SPANXN4: variants seen among roughly 807,000 people sequenced by gnomAD.
SPANXN4 encodes SPANX family member N4, also known as sperm protein associated with the nucleus on the X chromosome N4.
In SPANXN4, 5 loss-of-function variants were observed where a neutral mutation model predicts 6.0. The observed-to-expected ratio is 0.83, with a 90% CI of 0.44 to 1.75. The LOEUF (loss-of-function observed/expected upper bound fraction) is 1.75, where lower values mean the gene tolerates loss of function less well. Among genes scored for constraint, SPANXN4 ranks in the 40% most tolerant of loss-of-function variants. SPANXN4 has a pLI of 0.02. For synonymous variants in SPANXN4, 45 were observed against 38.0 expected (o/e 1.19, Z -0.68); for missense variants, 157 against 108.6 (o/e 1.45, Z -1.98).
chrX:143,033,467 T>C (rs1932823158), intron 1 of SPANXN4, among the ~76,000 whole-genome samples: 1 of 111,384 alleles, frequency 9.0e-6, no homozygotes, highest in African/African-American at 3.3e-5. Context: ...CACAGGTATA[T>C]TGCCGACAGC....
intron 1 of SPANXN4, among the ~76,000 whole-genome samples, chrX:143,033,613 C>T (rs1407782160): frequency 1.8e-5 from 2 of 111,477 alleles, no homozygotes; most frequent in South Asian, 3.8e-4. Flanking sequence ...TTCTTATGAT[C>T]AGGTGGTTTG....
At chrX:143,030,247 G>C (rs1718403850) in intron 1 of SPANXN4, among the ~76,000 whole-genome samples, 1 of 110,573 alleles carries the variant, frequency 9.0e-6, no homozygotes, top group Non-Finnish European at 1.9e-5. Flanking sequence ...TCCTGAATTA[G>C]CTCATTTTGT....
chrX:143,036,519 G>A (rs185838999), downstream of SPANXN4, among the ~76,000 whole-genome samples: 5 of 111,877 alleles, frequency 4.5e-5, no homozygotes, highest in Admixed American at 3.8e-4. Context: ...AGCACCATTT[G>A]TTGAAAATAC....
At chrX:143,032,327 T>C (rs1932814950) in intron 1 of SPANXN4, among the ~76,000 whole-genome samples, 1 of 110,913 alleles carries the variant, frequency 9.0e-6, no homozygotes, top group Non-Finnish European at 1.9e-5. Flanking sequence ...GGAAGGCCTT[T>C]GGGTGTGTGC....
chrX:143,033,204 A>G (rs1302700380), intron 1 of SPANXN4, among the ~76,000 whole-genome samples: 1 of 111,331 alleles, frequency 9.0e-6, no homozygotes, highest in African/African-American at 3.3e-5. Flanking sequence ...GGAGAGTTTG[A>G]TCAGGACCTA....
exon 2 of SPANXN4, chrX:143,034,164 C>A: frequency 8.5e-7 from 1 of 1,181,161 alleles, no homozygotes; most frequent in Non-Finnish European, 1.1e-6. Context: ...AACCAGCCTA[C>A]AGAGAGCTCC....
At chrX:143,036,410 T>C (rs1020616874), downstream of SPANXN4, among the ~76,000 whole-genome samples, 11 of 111,676 alleles carry the variant, frequency 9.8e-5, no homozygotes, top group East Asian at 3.1e-3. Flanking sequence ...TCACCAATCA[T>C]TGGTGAATAT....
At chrX:143,030,095 G>A in intron 1 of SPANXN4, among the ~76,000 whole-genome samples, 2 of 109,224 alleles carry the variant, frequency 1.8e-5, no homozygotes, top group Non-Finnish European at 3.8e-5. Flanking sequence ...GGCAAGCTGG[G>A]TTCAGGTGTT....
At chrX:143,036,028 G>A (rs1415845364), downstream of SPANXN4, among the ~76,000 whole-genome samples, 3 of 103,863 alleles carry the variant, frequency 2.9e-5, no homozygotes, top group Non-Finnish European at 5.9e-5. Context: ...CTTTCTGTCT[G>A]GATTATTTAA....
At chrX:143,031,671 A>G (rs759252373) in intron 1 of SPANXN4, among the ~76,000 whole-genome samples, 2 of 111,892 alleles carry the variant, frequency 1.8e-5, no homozygotes, top group East Asian at 5.7e-4. Context: ...GGCAGCTGCC[A>G]GCATTTGGTA....
At chrX:143,029,017 C>A (rs1472974894) in intron 1 of SPANXN4, among the ~76,000 whole-genome samples, 1 of 111,342 alleles carries the variant, frequency 9.0e-6, no homozygotes, top group Non-Finnish European at 1.9e-5. Flanking sequence ...CTATTTTTTC[C>A]TGAATGGTGC....
chrX:143,029,199 T>G (rs1232446602), intron 1 of SPANXN4, among the ~76,000 whole-genome samples: 14 of 111,480 alleles, frequency 1.3e-4, no homozygotes, highest in Non-Finnish European at 2.1e-4. Flanking sequence ...CAATGGATAA[T>G]GGTGGCCTGC....
downstream of SPANXN4, among the ~76,000 whole-genome samples, chrX:143,036,089 C>CT (rs1230238374): frequency 1.2e-4 from 13 of 105,607 alleles, no homozygotes; most frequent in South Asian, 2.1e-3. Context: ...ATGCCAAGAT[C>CT]TTTTTTTTTC....
intron 1 of SPANXN4, among the ~76,000 whole-genome samples, chrX:143,033,342 G>T (rs1208419149): frequency 1.8e-5 from 2 of 111,710 alleles, no homozygotes; most frequent in Admixed American, 9.5e-5. Flanking sequence ...AGGATGCAAA[G>T]AAGACTTACC....
At chrX:143,031,123 G>A (rs1932807215) in intron 1 of SPANXN4, among the ~76,000 whole-genome samples, 1 of 110,626 alleles carries the variant, frequency 9.0e-6, no homozygotes, top group Non-Finnish European at 1.9e-5. Flanking sequence ...ATGGAGTTCT[G>A]GAATTTACTT....
At chrX:143,026,198 G>A in intron 1 of SPANXN4, 106 bp downstream of exon 1, 1 of 679,164 alleles carries the variant, frequency 1.5e-6, no homozygotes, top group Admixed American at 3.4e-5. Flanking sequence ...CTGCAGAAAT[G>A]TGGGGCCAGC....
chrX:143,032,693 T>C (rs1429319179), intron 1 of SPANXN4, among the ~76,000 whole-genome samples: 3 of 111,079 alleles, frequency 2.7e-5, no homozygotes, highest in Non-Finnish European at 5.7e-5. Context: ...AATTTGGAAG[T>C]TGAAAGTTTT....
In SPANXN4 at chrX:143,034,102, A is replaced by T. The variant is rs574419137; in HGVS notation, c.153A>T (p.Leu51Phe). Residue 51 changes from leucine to phenylalanine, a missense_variant, in exon 2 of 3, where the codon TTA becomes TTT. Leu to Phe is a conservative substitution (Grantham distance 22). Coordinates refer to ENST00000370504, the Ensembl canonical transcript of SPANXN4. Reference sequence around the variant, plus strand: ...CAGAAAAAGCAAAATATCCAACATTAGTGTTTTACTGCAGGAAGAATAAGA... The same window carrying T: ...CAGAAAAAGCAAAATATCCAACATTTGTGTTTTACTGCAGGAAGAATAAGA... 15 of 1,178,283 alleles carry T rather than the reference A, an allele frequency of 1.3e-5. 1 individual carries two copies. In the South Asian group the frequency reaches 2.6e-4, roughly 21 times the overall value.
downstream of SPANXN4, chrX:143,034,834 A>T: frequency 1.1e-6 from 1 of 883,901 alleles, no homozygotes; most frequent in South Asian, 4.8e-5. Context: ...GCAGTCACCT[A>T]CCAAGTGTGG....
Sources: gnomAD v4.1 joint callset for allele counts (sites outside exome capture counted in the v4.1 genomes callset) on GRCh38, gnomAD v4.1.1 for gene constraint, MANE v1.5 for transcripts, NCBI Gene and HGNC (gene_info 2026-07-23, HGNC 2026-07-21) for gene names.